The following RBL1 variants were observed in gnomAD, a reference collection of about 807,000 sequenced individuals.
RBL1 encodes the protein retinoblastoma-like protein 1.
Under a neutral mutation model 123.0 loss-of-function variants are expected in RBL1, and 82 were observed. The ratio of observed to expected loss-of-function variants is 0.67; its 90% CI spans 0.56 to 0.80. The LOEUF is 0.80. RBL1 is among the 30% of genes least tolerant of loss of function. The pLI, the probability that RBL1 is intolerant of heterozygous loss-of-function variation, is 0.00. For synonymous variants in RBL1, 405 were observed against 441.3 expected, an observed-to-expected ratio of 0.92 and a Z score of 1.03; for missense variants, 1,171 against 1,299.6, an observed-to-expected ratio of 0.90 and a Z score of 1.52.
At chr20:37,074,523 C>T (rs1327800348) in intron 2 of RBL1, among the ~76,000 whole-genome samples, 2 of 151,522 alleles carry the variant, frequency 1.3e-5, no homozygotes, top group Non-Finnish European at 2.9e-5. Context: ...AAATGCAAAT[C>T]AAAACTGGGA....
At chr20:37,012,158 C>T (rs951366126) in intron 19 of RBL1, among the ~76,000 whole-genome samples, 2 of 152,258 alleles carry the variant, frequency 1.3e-5, no homozygotes, top group Non-Finnish European at 2.9e-5. Context: ...GTCTGGTTCA[C>T]TCAGTGCTCA....
At chr20:37,017,760 A>G (rs540583885) in intron 19 of RBL1, among the ~76,000 whole-genome samples, 1 of 151,960 alleles carries the variant, frequency 6.6e-6, no homozygotes, top group East Asian at 1.9e-4. Flanking sequence ...GCTCCTGAGT[A>G]GCTGGGACTA....
chr20:37,060,209 T>TC (rs2065071357), intron 9 of RBL1, among the ~76,000 whole-genome samples: 1 of 151,720 alleles, frequency 6.6e-6, no homozygotes, highest in African/African-American at 2.4e-5. Flanking sequence ...AATAAATAAA[T>TC]AAATCCATTT....
Position 37,088,925 on chromosome 20 carries a change from CAA to C in RBL1, c.290+62_290+63del, listed in dbSNP as rs2065600642. On this transcript the variant is annotated intron_variant, in intron 2 of 21. Transcript: ENST00000373664. ...TAAATGAAGTCAAATGATCTCAAAA[CAA>C]GAGAAAACTGATTCCAAAATTTAGA... 6.9e-6 allele frequency: 8 copies of C among 1,162,434 alleles called. No individual in the cohort carries two copies. In the South Asian group the frequency reaches 1.9e-4, roughly 28 times the overall value. The allele number at this position is 1,162,434 out of a possible 1,614,324, so 72.0% of individuals were successfully genotyped here.
At position 37,020,669 on chromosome 20, in the gene RBL1, G is replaced by A; in HGVS notation, c.2621C>T (p.Ala874Val). ...IMKSYRNQPQ[A>V]NSHVYRSVLL... The stretch of plus-strand genomic sequence containing the variant: ...AATAATGTAACTCACGTGACTATTA[G>A]CTTGGGGCTGATTCCTATAACTTTT... The change falls in exon 18 of 22, where the codon GCT becomes GTT. Residue 874 changes from alanine to valine, a missense_variant. Coordinates refer to ENST00000373664, the MANE Select transcript of RBL1 (RefSeq NM_002895.5). The A allele has an allele frequency of 6.3e-7, 1 of 1,582,676 alleles. No individual in the cohort carries two copies. The highest frequency in any genetic ancestry group is 8.6e-7 in the Non-Finnish European group (1 of 1,160,812).
At chr20:37,030,803 C>G (rs552890301) in intron 16 of RBL1, among the ~76,000 whole-genome samples, 1 of 150,116 alleles carries the variant, frequency 6.7e-6, no homozygotes, top group Non-Finnish European at 1.5e-5. Flanking sequence ...TGCAGTGAGC[C>G]GAGATTGCGC....
rs142278965 is a variant in RBL1 at position 37,050,401 on chromosome 20, C to T, written c.1468-3211G>A. On this transcript the variant is annotated intron_variant, in intron 11 of 21. Transcript: ENST00000373664. ...CTACTAAAAATACAAAAAAATTAGC[C>T]AGGTGTGGTGGCTGGCACCTGTAGT... Among the ~76,000 whole-genome samples the T allele has an allele frequency of 3.7e-3, 556 of 151,262 alleles. 1 individual carries two copies. The highest frequency in any genetic ancestry group is 4.6e-3 in the Non-Finnish European group (315 of 67,758).
intron 2 of RBL1, among the ~76,000 whole-genome samples, chr20:37,077,823 G>C (rs1231193789): frequency 1.4e-5 from 2 of 145,176 alleles, no homozygotes; most frequent in Non-Finnish European, 3.0e-5. Context: ...CATAACCAAA[G>C]TACAATTATC....
chr20:37,046,027 T>C (rs1229392527), intron 12 of RBL1, among the ~76,000 whole-genome samples: 5 of 152,250 alleles, frequency 3.3e-5, no homozygotes, highest in African/African-American at 1.2e-4. Flanking sequence ...GGTGATGATG[T>C]AGTTCAATAG....
Position 37,018,373 on chromosome 20 carries a change from C to G in RBL1, c.2632-4G>C. ...TCAGCAGAACACTTCTATATACCTA[C>G]ATGCCAGAGGGGAAGAAAAGGACAG... On this transcript the variant is annotated splice_region_variant and splice_polypyrimidine_tract_variant and intron_variant, in intron 18 of 21. Coordinates refer to ENST00000373664, the MANE Select transcript of RBL1 (RefSeq NM_002895.5). The G allele has an allele frequency of 6.2e-7, 1 of 1,602,444 alleles. No individual in the cohort carries two copies.
At chr20:37,078,946 C>T (rs1019436244) in intron 2 of RBL1, among the ~76,000 whole-genome samples, 1 of 151,978 alleles carries the variant, frequency 6.6e-6, no homozygotes, top group African/African-American at 2.4e-5. Flanking sequence ...TCATGGGTTC[C>T]TAGCACTTTA....
intron 8 of RBL1, among the ~76,000 whole-genome samples, chr20:37,061,860 A>C (rs2065100354): frequency 6.6e-6 from 1 of 152,236 alleles, no homozygotes; most frequent in Admixed American, 6.5e-5. Context: ...CTCTACTAAT[A>C]AACCCAGTCA....
chr20:37,066,749 T>C lies in RBL1; in HGVS notation c.821A>G (p.Tyr274Cys), dbSNP rs1326821517. 1 of 1,613,320 alleles carries C rather than the reference T, an allele frequency of 6.2e-7. No individual in the cohort carries two copies. The highest frequency in any genetic ancestry group is 8.5e-7 in the Non-Finnish European group (1 of 1,179,410). ...CTTCCTGTCAAAGAGTTTTGAAATA[T>C]ATGGCTTAAAGTAGTGCTCCTTTAT... is the stretch of plus-strand genomic sequence containing the variant. Reference protein sequence around the residue: ...KGIKEHYFKPYISKLFDRKIL... With the variant: ...KGIKEHYFKPCISKLFDRKIL... Residue 274 changes from tyrosine to cysteine, a missense_variant, in exon 6 of 22, where the codon TAT becomes TGT. Transcript: ENST00000373664.
At chr20:37,042,651 C>T (rs1482501153) in intron 13 of RBL1, among the ~76,000 whole-genome samples, 1 of 151,902 alleles carries the variant, frequency 6.6e-6, no homozygotes, top group Non-Finnish European at 1.5e-5. Flanking sequence ...GCCTGTAATC[C>T]CAGCACTTTG....
chr20:37,092,480 C>T (rs1162495083), intron 1 of RBL1, among the ~76,000 whole-genome samples: 1 of 152,076 alleles, frequency 6.6e-6, no homozygotes, highest in East Asian at 1.9e-4. Flanking sequence ...GCAATCCCCC[C>T]ACCTTAGCCT....
intron 21 of RBL1, among the ~76,000 whole-genome samples, chr20:37,000,534 C>A (rs1395635560): frequency 7.1e-6 from 1 of 140,696 alleles, no homozygotes; most frequent in African/African-American, 2.7e-5. Flanking sequence ...TGCCCGGCCG[C>A]CCCTACTGGG....
In RBL1 at chr20:37,065,439, C is replaced by G. The variant is rs139180319; in HGVS notation, c.881G>C (p.Ser294Thr). The change falls in exon 7 of 22, where the codon AGT becomes ACT. Residue 294 changes from serine (S) to threonine (T), a missense_variant. Transcript: ENST00000373664. The part of the protein sequence containing the change: ...LKGECLLDLS[S>T]FTDNSKAVNK... ...AGATATTTACCTATTATCAGTAAAA[C>G]TTGAAAGGTCCAGGAGGCATTCTCC... 11 of 1,593,660 alleles carry G rather than the reference C, an allele frequency of 6.9e-6. No homozygotes were observed. In the African/African-American group the frequency reaches 1.2e-4, roughly 18 times the overall value.
intron 19 of RBL1, among the ~76,000 whole-genome samples, chr20:37,008,259 T>C (rs1936518701): frequency 1.3e-5 from 2 of 152,224 alleles, no homozygotes; most frequent in African/African-American, 4.8e-5. Context: ...CTTGTGTCTT[T>C]GAGAAAGGTG....
At chr20:37,000,766 A>T (rs1177631952) in intron 21 of RBL1, among the ~76,000 whole-genome samples, 1 of 104,276 alleles carries the variant, frequency 9.6e-6, no homozygotes, top group African/African-American at 3.9e-5. Context: ...TCCAGGAGGG[A>T]GGCGGGGGGG....
Sources: gnomAD v4.1 joint callset for allele counts (sites outside exome capture counted in the v4.1 genomes callset) on GRCh38, gnomAD v4.1.1 for gene constraint, MANE v1.5 for transcripts, NCBI Gene and HGNC (gene_info 2026-07-23, HGNC 2026-07-21) for gene names.